Variants in SYNE2 observed in about 807,000 individuals in gnomAD.
The protein encoded by SYNE2 is nesprin-2.
A neutral mutation model predicts 856.3 loss-of-function variants in SYNE2; 431 were observed. The observed-to-expected ratio is 0.50, with a 90% confidence interval of 0.47 to 0.55. The LOEUF (loss-of-function observed/expected upper bound fraction) is 0.55, where lower values mean the gene tolerates loss of function less well. Ranked by LOEUF, SYNE2 falls within the 20% of genes least tolerant of loss-of-function variation. SYNE2 has a pLI of 0.00. For missense variants in SYNE2, 8,129 were observed against 8,023.2 expected, an observed-to-expected ratio of 1.01 and a Z score of -0.50; for synonymous variants, 2,923 against 2,872.3, an observed-to-expected ratio of 1.02 and a Z score of -0.56.
intron 1 of SYNE2, among the ~76,000 whole-genome samples, chr14:63,800,540 T>A (rs1172297220): frequency 6.6e-6 from 1 of 152,216 alleles, no homozygotes; most frequent in African/African-American, 2.4e-5. Flanking sequence ...TCCGCCTGCC[T>A]TGGCCTCTGA....
In SYNE2 at chr14:64,143,957, C is replaced by G; in HGVS notation, c.15483+9C>G. The G allele has an allele frequency of 6.2e-7, 1 of 1,614,066 alleles. No homozygotes were observed. Among genetic ancestry groups the G allele is most frequent in the Non-Finnish European group, 8.5e-7 (1 of 1,179,974 alleles). On this transcript the variant is annotated intron_variant, in intron 83 of 115. Transcript: ENST00000555002. ...GAATGCTGAATAGAAAGGTGTGTTC[C>G]TGCGTCACAACTGGATGTGTGGTTT...
chr14:64,056,400 A>G, intron 49 of SYNE2, 134 bp downstream of exon 49: 1 of 723,900 alleles, frequency 1.4e-6, no homozygotes, highest in East Asian at 3.0e-5. Flanking sequence ...TGCATTAGAG[A>G]TAATTTGGAA....
chr14:63,936,100 T>C (rs540214610), intron 2 of SYNE2, among the ~76,000 whole-genome samples: 10 of 152,242 alleles, frequency 6.6e-5, no homozygotes, highest in South Asian at 6.2e-4. Flanking sequence ...GTCTCGAACT[T>C]CTGACCTTGT....
intron 1 of SYNE2, among the ~76,000 whole-genome samples, chr14:63,780,338 AG>A (rs1887263103): frequency 6.6e-6 from 1 of 152,150 alleles, no homozygotes; most frequent in Admixed American, 6.6e-5. Flanking sequence ...GTTCAAGACC[AG>A]CCTGGCAAAC....
intron 1 of SYNE2, among the ~76,000 whole-genome samples, chr14:63,864,177 G>A (rs1566645052): frequency 6.6e-6 from 1 of 152,184 alleles, no homozygotes; most frequent in African/African-American, 2.4e-5. Flanking sequence ...GCTTGCTCTT[G>A]TTAGAATATC....
chr14:64,000,733 A>T lies in SYNE2; in HGVS notation c.3638+14A>T. ...TCTTAATACCAGGTAAAATTCTGAG[A>T]TCTATTAACTATGAATCTAATAAAC... On this transcript the variant is annotated intron_variant, in intron 28 of 115. Coordinates refer to ENST00000555002, the MANE Select transcript of SYNE2 (RefSeq NM_182914.3). 6.2e-7 allele frequency: 1 copy of T among 1,606,998 alleles called. No homozygotes were observed. The highest frequency in any genetic ancestry group is 1.8e-4 in the Middle Eastern group (1 of 5,674).
intron 83 of SYNE2, among the ~76,000 whole-genome samples, chr14:64,145,231 A>T (rs539384317): frequency 6.9e-6 from 1 of 145,430 alleles, no homozygotes; most frequent in African/African-American, 2.7e-5. Flanking sequence ...CTGGCCGGGC[A>T]GCCTTTTAAA....
Position 64,208,850 on chromosome 14 carries a change from A to T in SYNE2, c.18294A>T (p.Ala6098=). 6.2e-7 allele frequency: 1 copy of T among 1,614,272 alleles called. No individual in the cohort carries two copies. Among genetic ancestry groups the T allele is most frequent in the Non-Finnish European group, 8.5e-7 (1 of 1,180,050 alleles). The change falls in exon 101 of 116, where the codon GCA becomes GCT. Residue 6098 remains alanine (A), a synonymous_variant. Transcript: ENST00000555002. ...TACTGCACGACTCCGATGCCTGTGC[A>T]AATGAGACCGAGTGTGACTCGATCC... The part of the protein sequence containing the change: ...DVLLHDSDAC[A]NETECDSIQQ...
intron 79 of SYNE2, 112 bp downstream of exon 79, chr14:64,138,095 G>T (rs1016951967): frequency 1.5e-6 from 2 of 1,303,124 alleles, no homozygotes; most frequent in African/African-American, 2.9e-5. Context: ...GTTTTTTCTT[G>T]GGCAGTCTAA....
chr14:63,988,393 A>G (rs906000637), intron 19 of SYNE2, among the ~76,000 whole-genome samples: 3 of 152,064 alleles, frequency 2.0e-5, no homozygotes, highest in Non-Finnish European at 4.4e-5. Context: ...TATTTTCTCT[A>G]CATGCTGTAC....
upstream of SYNE2, among the ~76,000 whole-genome samples, chr14:63,849,747 G>A (rs1301959029): frequency 6.6e-6 from 1 of 152,262 alleles, no homozygotes; most frequent in East Asian, 1.9e-4. Flanking sequence ...GCCTAACTTA[G>A]AGTGGTGAAT....
chr14:64,125,038 G>T, intron 70 of SYNE2, 41 bp from the exon 71 acceptor site: 3 of 1,613,084 alleles, frequency 1.9e-6, no homozygotes, highest in African/African-American at 1.3e-5. Context: ...CATCAGCAGG[G>T]TCTAAAACTG....
rs550022343 is a variant in SYNE2 at position 63,977,847 on chromosome 14, C to T, written c.1294-58C>T. On this transcript the variant is annotated intron_variant, in intron 12 of 115. Coordinates refer to ENST00000555002, the MANE Select transcript of SYNE2 (RefSeq NM_182914.3). ...TGTAATGCAAGTGAGATTGACAAAC[C>T]CTTAATTACAGTGTTTGGCAATAAG... The T allele has an allele frequency of 3.0e-4, 355 of 1,190,196 alleles. 3 individuals carry two copies. The South Asian group carries it at 3.8e-3, about 13-fold the overall frequency. The allele number at this position is 1,190,196 out of a possible 1,614,324, so 73.7% of individuals were successfully genotyped here.
At chr14:64,095,779 GT>G (rs2097671674) in intron 61 of SYNE2, among the ~76,000 whole-genome samples, 1 of 152,050 alleles carries the variant, frequency 6.6e-6, no homozygotes, top group South Asian at 2.1e-4. Context: ...TGGTTTGAAT[GT>G]TTTTTCCTCC....
intron 1 of SYNE2, among the ~76,000 whole-genome samples, chr14:63,774,501 A>G (rs1887040538): frequency 6.6e-6 from 1 of 151,612 alleles, no homozygotes; most frequent in Non-Finnish European, 1.5e-5. Context: ...AAAAGAAACA[A>G]AAAAAGAAAA....
chr14:63,953,167 A>G (rs1176295496), intron 7 of SYNE2, among the ~76,000 whole-genome samples: 1 of 152,214 alleles, frequency 6.6e-6, no homozygotes, highest in Non-Finnish European at 1.5e-5. Context: ...AAATATGATA[A>G]TTACAGTTGG....
chr14:64,215,418 C>G (rs2098661539), intron 107 of SYNE2, 64 bp downstream of exon 107: 1 of 1,509,280 alleles, frequency 6.6e-7, no homozygotes, highest in Admixed American at 1.7e-5. Context: ...GCATCCTCAA[C>G]CTCGCTCCCA....
At chr14:63,849,358 C>A (rs1476638274), upstream of SYNE2, among the ~76,000 whole-genome samples, 1 of 148,976 alleles carries the variant, frequency 6.7e-6, no homozygotes, top group Non-Finnish European at 1.5e-5. Context: ...GAATATTATA[C>A]CTGCTTCTTC....
intron 32 of SYNE2, among the ~76,000 whole-genome samples, chr14:64,011,785 A>G (rs1384432948): frequency 2.0e-5 from 3 of 152,160 alleles, no homozygotes; most frequent in African/African-American, 7.2e-5. Flanking sequence ...TTATAACTAT[A>G]AACTATACTT....
Sources: allele counts gnomAD v4.1 joint callset (sites outside exome capture counted in the v4.1 genomes callset), GRCh38; gene constraint gnomAD v4.1.1; transcripts MANE v1.5; gene names NCBI Gene and HGNC (gene_info 2026-07-23, HGNC 2026-07-21).